HLA-DPB1: variants seen among roughly 807,000 people sequenced by gnomAD.
HLA-DPB1 encodes HLA class II histocompatibility antigen, DP beta 1 chain.
HLA-DPB1 carries 30 observed loss-of-function variants against 29.4 expected under a neutral mutation model. That is an observed-to-expected ratio of 1.02 (90% CI 0.76 to 1.38). The LOEUF (loss-of-function observed/expected upper bound fraction) is 1.38, where lower values mean the gene tolerates loss of function less well. Among genes scored for constraint, HLA-DPB1 ranks in the 40% most tolerant of loss-of-function variants. HLA-DPB1 has a pLI of 0.00. For missense variants in HLA-DPB1, 261 were observed against 327.5 expected, an observed-to-expected ratio of 0.80 and a Z score of 1.57; for synonymous variants, 114 against 134.0, an observed-to-expected ratio of 0.85 and a Z score of 1.03.
chr6:33,084,605 G>T (rs1811359), intron 2 of HLA-DPB1, among the ~76,000 whole-genome samples: 1 of 151,392 alleles, frequency 6.6e-6, no homozygotes, highest in Non-Finnish European at 1.5e-5. Context: ...AGAGAACCAG[G>T]CTGACCAACA....
At chr6:33,079,990 TA>T in intron 1 of HLA-DPB1, 2 of 224,292 alleles carry the variant, frequency 8.9e-6, no homozygotes, top group Non-Finnish European at 1.8e-5. Context: ...TTTCATTGTG[TA>T]AAATACTTTC....
rs1185336944 is a variant in HLA-DPB1, at chr6:33,085,199, C to T, written c.614C>T (p.Thr205Ile). The change falls in exon 3 of 6, where the codon ACC becomes ATC. Residue 205 changes from threonine (T) to isoleucine (I), a missense_variant. Transcript: ENST00000418931. ...GDVYTCQVEH[T>I]SLDSPVTVEW... ...GTCTACACCTGCCAAGTGGAGCACA[C>T]CAGCCTGGATAGTCCTGTCACCGTG... 6.2e-7 allele frequency: 1 copy of T among 1,611,756 alleles called. No individual in the cohort carries two copies. Among genetic ancestry groups the T allele is most frequent in the Non-Finnish European group, 8.5e-7 (1 of 1,178,486 alleles).
rs9280312 is a variant in HLA-DPB1, at chr6:33,087,419, TC to T, written c.*886del. Among the ~76,000 whole-genome samples the T allele has an allele frequency of 0.2, 29,688 of 151,392 alleles. 3,283 individuals are homozygous for T. Among genetic ancestry groups the T allele is most frequent in the East Asian group, 0.55 (2,804 of 5,138 alleles). On this transcript the variant is annotated 3_prime_UTR_variant, in exon 6 of 6. Coordinates refer to ENST00000418931, the MANE Select transcript of HLA-DPB1 (RefSeq NM_002121.6). ...TTTCAAACACTGGTCTTTTTTTTTT[TC>T]TTAACAATCCAACATTGTTATGTGT...
At chr6:33,082,433 A>C (rs1279270970) in intron 2 of HLA-DPB1, among the ~76,000 whole-genome samples, 2 of 151,870 alleles carry the variant, frequency 1.3e-5, no homozygotes, top group African/African-American at 2.4e-5. Flanking sequence ...CCCCAGACTC[A>C]GATTCCCTGG....
At chr6:33,082,944 A>G (rs1427730848) in intron 2 of HLA-DPB1, among the ~76,000 whole-genome samples, 1 of 152,228 alleles carries the variant, frequency 6.6e-6, no homozygotes, top group African/African-American at 2.4e-5. Flanking sequence ...CTGTCAAAGA[A>G]TATTGAGCAA....
At chr6:33,077,296 A>C (rs1350474888) in intron 1 of HLA-DPB1, among the ~76,000 whole-genome samples, 1 of 151,894 alleles carries the variant, frequency 6.6e-6, no homozygotes, top group Non-Finnish European at 1.5e-5. Context: ...ATATGTGTGC[A>C]TTTTCTTAAT....
In HLA-DPB1 at chr6:33,085,273, A is replaced by C. The variant is rs757437801; in HGVS notation, c.646+42A>C. ...CCTCTAGACCCCACCTCTGAAGAGC[A>C]GGGGACTCTCTGGCTCTGGGGTCCA... On this transcript the variant is annotated intron_variant, in intron 3 of 5. Transcript: ENST00000418931. 2.1e-5 allele frequency: 32 copies of C among 1,504,832 alleles called. No individual in the cohort carries two copies. In the Admixed American group the frequency reaches 4.6e-4, roughly 22 times the overall value. 93.2% of individuals were successfully genotyped at this position (1,504,832 alleles called of 1,614,324 possible).
At chr6:33,085,493 T>A (rs9277461) in intron 3 of HLA-DPB1, among the ~76,000 whole-genome samples, 57,559 of 151,664 alleles carry the variant, frequency 0.38, 12,299 homozygotes, top group East Asian at 0.64. Context: ...ACCCTCACAC[T>A]TAGGAACTGA....
intron 2 of HLA-DPB1, among the ~76,000 whole-genome samples, chr6:33,084,468 A>G (rs890212803): frequency 6.6e-6 from 1 of 152,170 alleles, no homozygotes; most frequent in African/African-American, 2.4e-5. Flanking sequence ...CTAGGAATCA[A>G]TTACATAGTG....
chr6:33,079,552 C>T (rs1263424661), intron 1 of HLA-DPB1: 3 of 376,246 alleles, frequency 8.0e-6, no homozygotes, highest in African/African-American at 6.5e-5. Context: ...TTAAGCATAA[C>T]TGGCGGAAAC....
chr6:33,086,040 G>A lies in HLA-DPB1; in HGVS notation c.757+151G>A. The A allele has an allele frequency of 1.0e-5, 8 of 776,704 alleles. 1 individual carries two copies. The South Asian group carries it at 1.3e-4, about 13-fold the overall frequency. The allele number at this position is 776,704 out of a possible 1,614,324, so 48.1% of individuals were successfully genotyped here. A position where few individuals can be genotyped will look rare whatever the true frequency, so the allele number is the denominator to read the frequency against. On this transcript the variant is annotated intron_variant, in intron 4 of 5. Transcript: ENST00000418931. ...GGGGAACAAACATGACCTATAGCGA[G>A]AGAGGGATCCCAGGCTGGGATCTTA...
chr6:33,085,283 C>T (rs1763049785), intron 3 of HLA-DPB1, 52 bp downstream of exon 3: 1 of 1,467,420 alleles, frequency 6.8e-7, no homozygotes, highest in Non-Finnish European at 9.3e-7. Flanking sequence ...AGGGGACTCT[C>T]TGGCTCTGGG....
chr6:33,086,315 A>G, intron 5 of HLA-DPB1, 73 bp downstream of exon 5: 1 of 1,129,198 alleles, frequency 8.9e-7, no homozygotes, highest in Admixed American at 1.7e-5. Flanking sequence ...GCATTGTAAC[A>G]CTGAGGCTCC....
At chr6:33,083,683 C>T (rs9277402) in intron 2 of HLA-DPB1, 57,546 of 151,728 alleles carry the variant, frequency 0.38, 12,309 homozygotes, top group East Asian at 0.64. Context: ...TTGCCCAGGC[C>T]GGTCTCAAAA....
chr6:33,080,669 C>A lies in HLA-DPB1; in HGVS notation c.101-3C>A. 1 of 1,612,428 alleles carries A rather than the reference C, an allele frequency of 6.2e-7. No homozygotes were observed. The highest frequency in any genetic ancestry group is 8.5e-7 in the Non-Finnish European group (1 of 1,179,306). ...TCCGCTCATGTCCGCCCCCTCCCCG[C>A]AGAGAATTACCTTTTCCAGGGACGG... On this transcript the variant is annotated splice_polypyrimidine_tract_variant and splice_region_variant and intron_variant, in intron 1 of 5. Transcript: ENST00000418931. This position sits in a 1 kb window ranked among gnomAD's most constrained non-coding sequence, Gnocchi z 4.3.
In HLA-DPB1 at chr6:33,080,953, GCCGGCGGTCCCAGGGCAGCCCCGCGGGC is replaced by G; in HGVS notation, c.364+22_364+49del. 1 of 1,563,584 alleles carries G rather than the reference GCCGGCGGTCCCAGGGCAGCCCCGCGGGC, an allele frequency of 6.4e-7. No individual in the cohort carries two copies. Among genetic ancestry groups the G allele is most frequent in the Non-Finnish European group, 8.6e-7 (1 of 1,157,112 alleles). ...GCGCCGAGGTGAGTGAGGGCTTTGG[GCCGGCGGTCCCAGGGCAGCCCCGCGGGC>G]CCGTGCCCAGGGCGCAGGAGCAGCC... On this transcript the variant is annotated intron_variant, in intron 2 of 5. Transcript: ENST00000418931. The surrounding 1 kb of genome is among the most constrained non-coding windows in gnomAD (Gnocchi z 4.3).
chr6:33,078,614 G>A (rs1028666603), intron 1 of HLA-DPB1, among the ~76,000 whole-genome samples: 1 of 139,990 alleles, frequency 7.1e-6, no homozygotes, highest in Non-Finnish European at 1.5e-5. Context: ...ACAGGATAAA[G>A]TTTCTTATAT....
rs1007223337 is a variant in HLA-DPB1 at position 33,088,451 on chromosome 6, A to G, written c.*1917A>G. Reference sequence around the variant, plus strand: ...GGAACAGGATATGTGCTCCTAGGGAACTGAGGGTGTCAGGAGATGAGGAAT... The same window carrying G: ...GGAACAGGATATGTGCTCCTAGGGAGCTGAGGGTGTCAGGAGATGAGGAAT... On this transcript the variant is annotated 3_prime_UTR_variant, in exon 6 of 6. Transcript: ENST00000418931. Among the ~76,000 whole-genome samples, 25 of 152,190 alleles carry G rather than the reference A, an allele frequency of 1.6e-4. No individual in the cohort carries two copies. Among genetic ancestry groups the G allele is most frequent in the African/African-American group, 5.6e-4 (23 of 41,436 alleles).
intron 2 of HLA-DPB1, among the ~76,000 whole-genome samples, chr6:33,081,437 A>T (rs1289908285): frequency 6.6e-6 from 1 of 152,042 alleles, no homozygotes; most frequent in Non-Finnish European, 1.5e-5. Context: ...AAAGGACCGG[A>T]TCCTGGGAAC....
Sources: allele counts gnomAD v4.1 joint callset (sites outside exome capture counted in the v4.1 genomes callset), GRCh38; gene constraint gnomAD v4.1.1; non-coding constraint Gnocchi (gnomAD v3.1); transcripts MANE v1.5; gene names NCBI Gene and HGNC (gene_info 2026-07-23, HGNC 2026-07-21).